Variants in GRM7 observed in about 807,000 individuals in gnomAD.
GRM7 encodes metabotropic glutamate receptor 7.
Under a neutral mutation model 84.5 loss-of-function variants are expected in GRM7, and 35 were observed. That is an observed-to-expected ratio of 0.41 (90% CI 0.32 to 0.55). The LOEUF is 0.55. Among genes scored for constraint, GRM7 ranks in the 20% least tolerant of loss-of-function variants. The pLI is 0.19. For synonymous variants in GRM7, 487 were observed against 455.1 expected, an observed-to-expected ratio of 1.07 and a Z score of -0.89; for missense variants, 1,003 against 1,194.6, an observed-to-expected ratio of 0.84 and a Z score of 2.36.
At chr3:7,243,051 T>G (rs73809026) in intron 2 of GRM7, among the ~76,000 whole-genome samples, 1 of 152,160 alleles carries the variant, frequency 6.6e-6, no homozygotes, top group Non-Finnish European at 1.5e-5. Context: ...CCAAATGTTT[T>G]CATGTCATGG....
chr3:6,889,520 A>G (rs1465513284), intron 1 of GRM7, among the ~76,000 whole-genome samples: 3 of 152,004 alleles, frequency 2.0e-5, no homozygotes, highest in African/African-American at 7.3e-5. Flanking sequence ...TTCTGTTTAT[A>G]TGCTGGATTA....
intron 7 of GRM7, among the ~76,000 whole-genome samples, chr3:7,549,945 C>A (rs1186466210): frequency 6.6e-6 from 1 of 152,222 alleles, no homozygotes; most frequent in Non-Finnish European, 1.5e-5. Flanking sequence ...CTTTCTGATA[C>A]CCACACCACC....
At chr3:7,638,433 G>T (rs1476815785) in intron 8 of GRM7, among the ~76,000 whole-genome samples, 3 of 152,158 alleles carry the variant, frequency 2.0e-5, no homozygotes, top group Non-Finnish European at 4.4e-5. Flanking sequence ...CTAAATCATT[G>T]ACTGTAAAAG....
chr3:6,921,156 G>C (rs971538423), intron 1 of GRM7, among the ~76,000 whole-genome samples: 3 of 152,146 alleles, frequency 2.0e-5, no homozygotes, highest in Non-Finnish European at 4.4e-5. Context: ...GTGTGGTTTG[G>C]TTCTAGCTCC....
intron 1 of GRM7, among the ~76,000 whole-genome samples, chr3:6,877,404 A>T (rs1040167727): frequency 1.3e-5 from 2 of 152,210 alleles, no homozygotes; most frequent in Admixed American, 6.5e-5. Context: ...TTGTTATGAA[A>T]AGTGGGTATG....
chr3:7,514,705 G>T (rs1021857441), intron 7 of GRM7, among the ~76,000 whole-genome samples: 1 of 152,168 alleles, frequency 6.6e-6, no homozygotes, highest in Non-Finnish European at 1.5e-5. Flanking sequence ...TATTTCATTT[G>T]CAGAACTGAA....
chr3:7,657,106 C>A (rs1479777914), intron 8 of GRM7, among the ~76,000 whole-genome samples: 1 of 152,126 alleles, frequency 6.6e-6, no homozygotes, highest in African/African-American at 2.4e-5. Flanking sequence ...GCCAATTTTC[C>A]ACAATCCCGA....
At chr3:7,609,546 GA>G (rs1696750031) in intron 8 of GRM7, among the ~76,000 whole-genome samples, 1 of 151,638 alleles carries the variant, frequency 6.6e-6, no homozygotes, top group Admixed American at 6.6e-5. Context: ...TTAGCAGGAG[GA>G]AAAAACAGAG....
rs1025980588 is a variant in GRM7 at position 7,552,937 on chromosome 3, G to T, written c.1516-25485G>T. Among the ~76,000 whole-genome samples the T allele has an allele frequency of 2.6e-5, 4 of 152,186 alleles. No homozygotes were observed. The East Asian group carries it at 5.8e-4, about 22-fold the overall frequency. On this transcript the variant is annotated intron_variant, in intron 7 of 9. Coordinates refer to ENST00000357716, the MANE Select transcript of GRM7 (RefSeq NM_000844.4). ...TGCCTTGAATTTCTCCTCAGAAAAT[G>T]GGTTTCTCTTTCCTTGTAATCAGGC... is the stretch of plus-strand genomic sequence containing the variant.
intron 4 of GRM7, among the ~76,000 whole-genome samples, chr3:7,406,753 C>G (rs1403913772): frequency 1.3e-5 from 2 of 152,128 alleles, no homozygotes; most frequent in Non-Finnish European, 2.9e-5. Context: ...TTAAAATCAC[C>G]TAGTGCTTTA....
intron 1 of GRM7, among the ~76,000 whole-genome samples, chr3:6,873,265 G>A (rs1430741302): frequency 6.6e-6 from 1 of 152,150 alleles, no homozygotes; most frequent in Non-Finnish European, 1.5e-5. Flanking sequence ...TGGAGACAGG[G>A]TTTCACCATA....
intron 2 of GRM7, among the ~76,000 whole-genome samples, chr3:7,247,844 G>C (rs1575078042): frequency 6.6e-6 from 1 of 151,902 alleles, no homozygotes; most frequent in East Asian, 1.9e-4. Flanking sequence ...TATACGAAAA[G>C]TAAATAAGCA....
At chr3:7,305,120 A>G (rs1700142570) in intron 3 of GRM7, among the ~76,000 whole-genome samples, 2 of 152,152 alleles carry the variant, frequency 1.3e-5, no homozygotes, top group Non-Finnish European at 2.9e-5. Flanking sequence ...AGTTCCCAGC[A>G]TTTTGTGAGC....
At chr3:7,206,828 G>A (rs1348926535) in intron 2 of GRM7, among the ~76,000 whole-genome samples, 1 of 152,110 alleles carries the variant, frequency 6.6e-6, no homozygotes, top group Non-Finnish European at 1.5e-5. Flanking sequence ...TTATTCGACG[G>A]GTTCTAATGG....
chr3:7,681,741 C>A (rs774157443), intron 9 of GRM7: 4 of 152,144 alleles, frequency 2.6e-5, no homozygotes, highest in Non-Finnish European at 4.4e-5. Flanking sequence ...TTGAGACATA[C>A]CTGGGTTCAA....
intron 5 of GRM7, among the ~76,000 whole-genome samples, chr3:7,446,869 G>A (rs1405832519): frequency 1.3e-5 from 2 of 152,052 alleles, no homozygotes; most frequent in African/African-American, 4.8e-5. Context: ...TATATTCTGA[G>A]GGAGCAGTAT....
chr3:7,097,457 T>C (rs1326619966), intron 1 of GRM7, among the ~76,000 whole-genome samples: 1 of 152,150 alleles, frequency 6.6e-6, no homozygotes. Flanking sequence ...AGATCCATAA[T>C]AGTTCCTGAA....
At chr3:6,970,757 A>G (rs912071069) in intron 1 of GRM7, among the ~76,000 whole-genome samples, 13 of 152,192 alleles carry the variant, frequency 8.5e-5, no homozygotes, top group Admixed American at 1.3e-4. Context: ...AGGCGGGCGG[A>G]TCACGAGGTC....
At chr3:7,131,164 T>C (rs1038246733) in intron 1 of GRM7, among the ~76,000 whole-genome samples, 2 of 152,170 alleles carry the variant, frequency 1.3e-5, no homozygotes, top group Non-Finnish European at 2.9e-5. Flanking sequence ...TCCACCAAGA[T>C]CTGTGATCTG....
Sources: gnomAD v4.1 joint callset for allele counts (sites outside exome capture counted in the v4.1 genomes callset) on GRCh38, gnomAD v4.1.1 for gene constraint, MANE v1.5 for transcripts, NCBI Gene and HGNC (gene_info 2026-07-23, HGNC 2026-07-21) for gene names.